The following GADD45G variants were observed in gnomAD, a reference collection of about 807,000 sequenced individuals.
GADD45G encodes growth arrest and DNA damage-inducible protein GADD45 gamma.
A neutral mutation model predicts 17.3 loss-of-function variants in GADD45G; 7 were observed. That is an observed-to-expected ratio of 0.41 (90% confidence interval 0.23 to 0.76). The LOEUF is 0.76. GADD45G is among the 30% of genes least tolerant of loss of function. The pLI, the probability that GADD45G is intolerant of heterozygous loss-of-function variation, is 0.34. For missense variants in GADD45G, 149 were observed against 219.2 expected, an observed-to-expected ratio of 0.68 and a Z score of 2.02; for synonymous variants, 93 against 94.9, an observed-to-expected ratio of 0.98 and a Z score of 0.12.
Position 89,605,417 on chromosome 9 carries a change from C to A in GADD45G, c.54-15C>A. ...CTCCGGCCGGCTCCCGCTCACTGCG[C>A]TGGCTCCTCCGCAGGATGCAGGGTG... On this transcript the variant is annotated splice_polypyrimidine_tract_variant and intron_variant, in intron 1 of 3. Coordinates refer to ENST00000252506, the MANE Select transcript of GADD45G (RefSeq NM_006705.4). 1 of 1,539,996 alleles carries A rather than the reference C, an allele frequency of 6.5e-7. No individual in the cohort carries two copies. The highest frequency in any genetic ancestry group is 1.2e-5 in the South Asian group (1 of 84,066).
chr9:89,605,286 C>T (rs1827502283), intron 1 of GADD45G, 112 bp downstream of exon 1: 1 of 1,158,002 alleles, frequency 8.6e-7, no homozygotes, highest in Non-Finnish European at 1.3e-6. Context: ...CGCCAGATCC[C>T]GGTTGGAGAG....
chr9:89,606,405 G>A lies in GADD45G; in HGVS notation c.*326G>A, dbSNP rs1827527903. The A allele has an allele frequency of 4.9e-6, 2 of 405,158 alleles. No homozygotes were observed. Among genetic ancestry groups the A allele is most frequent in the South Asian group, 3.3e-5 (1 of 30,016 alleles). The allele number at this position is 405,158 out of a possible 1,614,324, so 25.1% of individuals were successfully genotyped here. ...CTCAGCAGCCTGCGCTCGGCAGGAAGGAGCGGCGCCCTGGACTTGGTACAG... is the reference window on the plus strand; with the variant it reads ...CTCAGCAGCCTGCGCTCGGCAGGAAAGAGCGGCGCCCTGGACTTGGTACAG... On this transcript the variant is annotated 3_prime_UTR_variant, in exon 4 of 4. Coordinates refer to ENST00000252506, the MANE Select transcript of GADD45G (RefSeq NM_006705.4).
At position 89,605,054 on chromosome 9, in the gene GADD45G, C is replaced by T; in HGVS notation, c.-68C>T. 1.1e-5 allele frequency: 14 copies of T among 1,244,334 alleles called. No homozygotes were observed. Among genetic ancestry groups the T allele is most frequent in the Non-Finnish European group, 1.6e-5 (14 of 859,538 alleles). 77.1% of individuals were successfully genotyped at this position (1,244,334 alleles called of 1,614,324 possible). On this transcript the variant is annotated 5_prime_UTR_variant, in exon 1 of 4. Transcript: ENST00000252506. The stretch of plus-strand genomic sequence containing the variant: ...GCGCGCCGTGCTGAGCTCTGGCTGT[C>T]AGTGTGTTCGCCCGCGTCCCCTCCG...
intron 1 of GADD45G, 47 bp from the exon 2 acceptor site, chr9:89,605,385 C>T (rs1827504599): frequency 7.1e-7 from 1 of 1,414,488 alleles, no homozygotes; most frequent in Admixed American, 2.0e-5. Context: ...GGGGTCTCCG[C>T]CGCGCCCTCC....
chr9:89,606,205 G>A lies in GADD45G; in HGVS notation c.*126G>A, dbSNP rs1271662743. ...GGCGTGGAGACTGGCAGGCGGGGGG[G>A]GCGCCTGGAGAGCGAGGAGGCGCGG... On this transcript the variant is annotated 3_prime_UTR_variant, in exon 4 of 4. Transcript: ENST00000252506. 5 of 725,720 alleles carry A rather than the reference G, an allele frequency of 6.9e-6. No individual in the cohort carries two copies. Among genetic ancestry groups the A allele is most frequent in the Non-Finnish European group, 1.2e-5 (5 of 424,446 alleles). The allele number at this position is 725,720 out of a possible 1,614,324, so 45.0% of individuals were successfully genotyped here.
At position 89,606,068 on chromosome 9, in the gene GADD45G, C is replaced by A; in HGVS notation, c.469C>A (p.Leu157Ile). ...SVNDWVPSIT[L>I]PE is the part of the protein sequence containing the mutation. ...TAACGACTGGGTGCCCAGCATCACC[C>A]TCCCCGAGTGACAGCCCGGCGGGGA... The change falls in exon 4 of 4, where the codon CTC (leucine) becomes ATC (isoleucine). Residue 157 changes from leucine (L) to isoleucine (I), a missense_variant. Leu to Ile is a conservative substitution (Grantham distance 5, BLOSUM62 2). Transcript: ENST00000252506. 6.2e-7 allele frequency: 1 copy of A among 1,609,368 alleles called. No homozygotes were observed. Among genetic ancestry groups the A allele is most frequent in the Non-Finnish European group, 8.5e-7 (1 of 1,177,098 alleles).
intron 1 of GADD45G, 25 bp from the exon 2 acceptor site, chr9:89,605,407 G>C (rs577033897): frequency 1.3e-6 from 2 of 1,520,782 alleles, no homozygotes; most frequent in Non-Finnish European, 1.8e-6. Context: ...GCCGGCTCCC[G>C]CTCACTGCGC....
At position 89,605,826 on chromosome 9, in the gene GADD45G, G is replaced by T. The variant is rs776071768; in HGVS notation, c.315G>T (p.Val105=). ...VGDVQRLAAI[V]GAGEEAGAPG... is the part of the protein sequence containing the mutation. The stretch of plus-strand genomic sequence containing the variant: ...ATGTGCAGCGGCTGGCGGCTATCGT[G>T]GGCGCCGGCGAGGAGGCGGGTGCGC... Residue 105 remains valine (V), a synonymous_variant, in exon 3 of 4, where the codon GTG becomes GTT. Transcript: ENST00000252506. 1 of 1,613,374 alleles carries T rather than the reference G, an allele frequency of 6.2e-7. No homozygotes were observed. The highest frequency in any genetic ancestry group is 8.5e-7 in the Non-Finnish European group (1 of 1,179,782).
intron 1 of GADD45G, 29 bp from the exon 2 acceptor site, chr9:89,605,403 T>G: frequency 1.3e-6 from 2 of 1,510,096 alleles, no homozygotes; most frequent in Non-Finnish European, 1.8e-6. Context: ...TCCGGCCGGC[T>G]CCCGCTCACT....
Position 89,606,055 on chromosome 9 carries a change from G to C in GADD45G, c.456G>C (p.Val152=), listed in dbSNP as rs148149951. Residue 152 remains valine, a synonymous_variant, in exon 4 of 4, where the codon GTG becomes GTC. Coordinates refer to ENST00000252506, the MANE Select transcript of GADD45G (RefSeq NM_006705.4). The part of the protein sequence containing the change: ...CEESRSVNDW[V]PSITLPE ...AGAGCCGCAGCGTTAACGACTGGGTGCCCAGCATCACCCTCCCCGAGTGAC... is the reference window on the plus strand; with the variant it reads ...AGAGCCGCAGCGTTAACGACTGGGTCCCCAGCATCACCCTCCCCGAGTGAC... The C allele has an allele frequency of 2.1e-5, 34 of 1,611,952 alleles. No homozygotes were observed. Among genetic ancestry groups the C allele is most frequent in the Non-Finnish European group, 2.6e-5 (31 of 1,178,878 alleles).
chr9:89,606,350 A>G lies in GADD45G; in HGVS notation c.*271A>G, dbSNP rs1390895861. 8 of 511,514 alleles carry G rather than the reference A, an allele frequency of 1.6e-5. No homozygotes were observed. In the Admixed American group the frequency reaches 2.0e-4, roughly 13 times the overall value. 31.7% of individuals were successfully genotyped at this position (511,514 alleles called of 1,614,324 possible). On this transcript the variant is annotated 3_prime_UTR_variant, in exon 4 of 4. Transcript: ENST00000252506. Reference sequence around the variant, plus strand: ...AGGCTAGGACGTTGGCCTCAGGGCCAGGAAGGACAGACTGGCCGGGCAGGC... The same window carrying G: ...AGGCTAGGACGTTGGCCTCAGGGCCGGGAAGGACAGACTGGCCGGGCAGGC...
Position 89,605,176 on chromosome 9 carries a change from T to C in GADD45G, c.53+2T>C. The C allele has an allele frequency of 6.2e-7, 1 of 1,613,200 alleles. No individual in the cohort carries two copies. Among genetic ancestry groups the C allele is most frequent in the South Asian group, 1.1e-5 (1 of 91,032 alleles). ...CACAGTTCCGGAAAGCACAGCCAGG[T>C]GGGTTTCAGGGCGCTGAGAAAGCCG... On this transcript the variant is annotated splice_donor_variant, in intron 1 of 3. Coordinates refer to ENST00000252506, the MANE Select transcript of GADD45G (RefSeq NM_006705.4). LOFTEE classifies it high-confidence loss of function.
Position 89,606,207 on chromosome 9 carries a change from C to G in GADD45G, c.*128C>G, listed in dbSNP as rs894732760. 1.5e-5 allele frequency: 11 copies of G among 719,988 alleles called. No individual in the cohort carries two copies. Among genetic ancestry groups the G allele is most frequent in the Non-Finnish European group, 2.4e-5 (10 of 420,678 alleles). The allele number at this position is 719,988 out of a possible 1,614,324, so 44.6% of individuals were successfully genotyped here. On this transcript the variant is annotated 3_prime_UTR_variant, in exon 4 of 4. Coordinates refer to ENST00000252506, the MANE Select transcript of GADD45G (RefSeq NM_006705.4). ...CGTGGAGACTGGCAGGCGGGGGGGG[C>G]GCCTGGAGAGCGAGGAGGCGCGGCC...
At chr9:89,605,361 C>T in intron 1 of GADD45G, 71 bp from the exon 2 acceptor site, 1 of 1,205,136 alleles carries the variant, frequency 8.3e-7, no homozygotes, top group Non-Finnish European at 1.2e-6. Context: ...GGGTGTGTGC[C>T]GGTGGCCGGG....
rs751724853 is a variant in GADD45G, at chr9:89,605,043, G to C, written c.-79G>C. On this transcript the variant is annotated 5_prime_UTR_variant, in exon 1 of 4. Transcript: ENST00000252506. ...GCTGGTGGTGGGCGCGCCGTGCTGA[G>C]CTCTGGCTGTCAGTGTGTTCGCCCG... The C allele has an allele frequency of 4.3e-6, 5 of 1,150,608 alleles. No homozygotes were observed. The African/African-American group carries it at 4.6e-5, about 11-fold the overall frequency. 71.3% of individuals were successfully genotyped at this position (1,150,608 alleles called of 1,614,324 possible). A position where few individuals can be genotyped will look rare whatever the true frequency, so the allele number is the denominator to read the frequency against.
In GADD45G at chr9:89,605,668, G is replaced by A. The variant is rs1180497995; in HGVS notation, c.157G>A (p.Asp53Asn). The A allele has an allele frequency of 3.1e-6, 5 of 1,613,846 alleles. No homozygotes were observed. Among genetic ancestry groups the A allele is most frequent in the Middle Eastern group, 1.6e-4 (1 of 6,062 alleles). ...VYESAKVLNV[D>N]PDNVTFCVLA... is the part of the protein sequence containing the mutation. ...TAGGTCCCCGCCTTGCCCTCGCAGG[G>A]ACCCCGACAATGTGACCTTCTGTGT... is the stretch of plus-strand genomic sequence containing the variant. Residue 53 changes from aspartate (D) to asparagine (N), a missense_variant and splice_region_variant, in exon 3 of 4, where the codon GAC (aspartate) becomes AAC (asparagine). Transcript: ENST00000252506.
At chr9:89,605,631 C>A (rs1162185548) in intron 2 of GADD45G, 36 bp from the exon 3 acceptor site, 1 of 1,597,938 alleles carries the variant, frequency 6.3e-7, no homozygotes, top group Admixed American at 1.7e-5. Flanking sequence ...ACTCGGCTAG[C>A]CGGTTCTGAC....
chr9:89,605,569 G>A (rs1382884079), intron 2 of GADD45G, 36 bp downstream of exon 2: 1 of 1,556,126 alleles, frequency 6.4e-7, no homozygotes, highest in South Asian at 1.1e-5. Context: ...GGAGACAGGG[G>A]CGGGGGTGAA....
rs755419905 is a variant in GADD45G at position 89,605,154 on chromosome 9, A to G, written c.33A>G (p.Thr11=). The G allele has an allele frequency of 1.9e-6, 3 of 1,613,860 alleles. No homozygotes were observed. Among genetic ancestry groups the G allele is most frequent in the Non-Finnish European group, 2.5e-6 (3 of 1,179,774 alleles). Residue 11 remains threonine, a synonymous_variant, in exon 1 of 4, where the codon ACA becomes ACG. Transcript: ENST00000252506. Reference sequence around the variant, plus strand: ...TGGAAGAAGTCCGCGGCCAGGACACAGTTCCGGAAAGCACAGCCAGGTGGG... The same window carrying G: ...TGGAAGAAGTCCGCGGCCAGGACACGGTTCCGGAAAGCACAGCCAGGTGGG... MTLEEVRGQD[T]VPESTARMQG... is the part of the protein sequence containing the mutation.
Sources: gnomAD v4.1 joint callset for allele counts on GRCh38, gnomAD v4.1.1 for gene constraint, MANE v1.5 for transcripts, NCBI Gene and HGNC (gene_info 2026-07-23, HGNC 2026-07-21) for gene names.